Variants in LDB2 observed in about 807,000 individuals in gnomAD.
LDB2 encodes LIM domain binding 2, also known as LIM domain-binding protein 2.
LDB2 carries 12 observed loss-of-function variants against 44.3 expected under a neutral mutation model. That is an observed-to-expected ratio of 0.27 (90% CI 0.17 to 0.44). LDB2 has a LOEUF of 0.44. Ranked by LOEUF, LDB2 falls within the 20% of genes least tolerant of loss-of-function variation. LDB2 has a pLI of 1.00. For synonymous variants in LDB2, 164 were observed against 174.8 expected (o/e 0.94, Z 0.49); for missense variants, 344 against 473.5 (o/e 0.73, Z 2.54).
chr4:16,790,636 A>G (rs1387687602), intron 1 of LDB2, among the ~76,000 whole-genome samples: 2 of 152,218 alleles, frequency 1.3e-5, no homozygotes, highest in Non-Finnish European at 1.5e-5. Context: ...TAAGCAATGC[A>G]TGACCATTCA....
chr4:16,652,653 G>A (rs77885839), intron 2 of LDB2, among the ~76,000 whole-genome samples: 3,071 of 152,256 alleles, frequency 0.02, 41 homozygotes, highest in Middle Eastern at 0.048. Flanking sequence ...ATCAAAAGCC[G>A]TCTGTCTGTG....
chr4:16,729,115 C>T (rs554122864), intron 2 of LDB2, among the ~76,000 whole-genome samples: 1 of 152,332 alleles, frequency 6.6e-6, no homozygotes, highest in Non-Finnish European at 1.5e-5. Flanking sequence ...AAAGGCAAGT[C>T]TTTGCCTCGC....
At chr4:16,767,571 G>C (rs1168228848) in intron 1 of LDB2, among the ~76,000 whole-genome samples, 1 of 152,166 alleles carries the variant, frequency 6.6e-6, no homozygotes, top group East Asian at 1.9e-4. Flanking sequence ...TCTGAACTGT[G>C]TGTGGCGAGT....
rs145928848 is a variant in LDB2 at position 16,512,066 on chromosome 4, C to G, written c.654G>C (p.Ser218=). The change falls in exon 6 of 8, where the codon TCG becomes TCC. Residue 218 remains serine, a synonymous_variant. Coordinates refer to ENST00000304523, the MANE Select transcript of LDB2 (RefSeq NM_001290.5). The stretch of plus-strand genomic sequence containing the variant: ...GACTGAGGTTGTAAGTTTTATGTCT[C>G]GACATCAGTTCCTGCATTGGCTCCA... The part of the protein sequence containing the change: ...VILEPMQELM[S]RHKTYNLSPR... The G allele has an allele frequency of 2.2e-4, 356 of 1,613,452 alleles. 1 individual carries two copies. In the African/African-American group the frequency reaches 4.0e-3, roughly 18 times the overall value.
At chr4:16,570,825 A>G (rs1161708915) in intron 5 of LDB2, among the ~76,000 whole-genome samples, 2 of 152,178 alleles carry the variant, frequency 1.3e-5, no homozygotes, top group African/African-American at 2.4e-5. Context: ...TATGCTTACT[A>G]TGTGCCAGCT....
At chr4:16,887,077 A>T (rs1048562186) in intron 1 of LDB2, among the ~76,000 whole-genome samples, 2 of 151,096 alleles carry the variant, frequency 1.3e-5, no homozygotes, top group African/African-American at 4.9e-5. Context: ...CTGTTTTAAG[A>T]CAATTGGAAA....
intron 1 of LDB2, among the ~76,000 whole-genome samples, chr4:16,875,388 G>A (rs775574910): frequency 3.8e-4 from 58 of 151,948 alleles, no homozygotes; most frequent in Non-Finnish European, 6.3e-4. Flanking sequence ...CAGATCCTGT[G>A]GCCTACTCCG....
intron 2 of LDB2, among the ~76,000 whole-genome samples, chr4:16,681,167 T>C (rs1747743327): frequency 1.3e-5 from 2 of 152,222 alleles, no homozygotes; most frequent in Admixed American, 1.3e-4. Context: ...GAGTTTTCTC[T>C]GGCTGGTTGT....
intron 2 of LDB2, among the ~76,000 whole-genome samples, chr4:16,696,927 C>G (rs1179048572): frequency 6.6e-6 from 1 of 152,046 alleles, no homozygotes; most frequent in Non-Finnish European, 1.5e-5. Flanking sequence ...GAAAAAGTCA[C>G]CCAGGTGATT....
chr4:16,736,584 A>C (rs1285558104), intron 2 of LDB2, among the ~76,000 whole-genome samples: 4 of 152,218 alleles, frequency 2.6e-5, no homozygotes, highest in African/African-American at 7.2e-5. Context: ...TCCAGGGTTC[A>C]AACCCTGCCC....
intron 2 of LDB2, among the ~76,000 whole-genome samples, chr4:16,714,769 C>A (rs747232679): frequency 1.3e-5 from 2 of 151,972 alleles, no homozygotes; most frequent in Non-Finnish European, 2.9e-5. Flanking sequence ...TGCTGGTAAC[C>A]CTTGGAGTTC....
At chr4:16,662,101 T>C (rs181166613) in intron 2 of LDB2, among the ~76,000 whole-genome samples, 6 of 152,342 alleles carry the variant, frequency 3.9e-5, no homozygotes, top group Admixed American at 2.6e-4. Context: ...ATTAATTCTA[T>C]GCAAATTCTC....
At chr4:16,779,240 G>A (rs1772631051) in intron 1 of LDB2, among the ~76,000 whole-genome samples, 1 of 152,172 alleles carries the variant, frequency 6.6e-6, no homozygotes, top group South Asian at 2.1e-4. Context: ...CAATGTTTAT[G>A]CAATTTGCTT....
rs940548949 is a variant in LDB2, at chr4:16,891,117, T to C, written c.132+7237A>G. 4.6e-5 allele frequency among the ~76,000 whole-genome samples: 7 copies of C among 152,112 alleles called. No individual in the cohort carries two copies. The East Asian group carries it at 1.2e-3, about 25-fold the overall frequency. Reference sequence around the variant, plus strand: ...TTTCCACCAAAAAATGAGATAGCTTTTATACTCATTCACTACTGTTTAAAA... The same window carrying C: ...TTTCCACCAAAAAATGAGATAGCTTCTATACTCATTCACTACTGTTTAAAA... On this transcript the variant is annotated intron_variant, in intron 1 of 7. Transcript: ENST00000304523.
intron 2 of LDB2, among the ~76,000 whole-genome samples, chr4:16,668,933 G>A (rs1235306562): frequency 2.0e-5 from 3 of 152,082 alleles, no homozygotes; most frequent in Non-Finnish European, 1.5e-5. Context: ...TTTTCCAATC[G>A]CTCCTGCTAC....
chr4:16,604,524 T>C (rs1027421899), intron 2 of LDB2, among the ~76,000 whole-genome samples: 2 of 148,842 alleles, frequency 1.3e-5, no homozygotes, highest in Admixed American at 1.3e-4. Flanking sequence ...AGAAAATATA[T>C]ATATTTATAT....
In LDB2 at chr4:16,845,823, T is replaced by C. The variant is rs1253884858; in HGVS notation, c.132+52531A>G. 2.6e-5 allele frequency among the ~76,000 whole-genome samples: 4 copies of C among 152,248 alleles called. No individual in the cohort carries two copies. In the East Asian group the frequency reaches 7.7e-4, roughly 29 times the overall value. On this transcript the variant is annotated intron_variant, in intron 1 of 7. Transcript: ENST00000304523. Reference sequence around the variant, plus strand: ...AGTTTGCCCAAAAGAAATGAGCTAATAAGCCTGGGCGCGGTGGCTCCTGCC... The same window carrying C: ...AGTTTGCCCAAAAGAAATGAGCTAACAAGCCTGGGCGCGGTGGCTCCTGCC...
chr4:16,837,209 T>C (rs748454100), intron 1 of LDB2, among the ~76,000 whole-genome samples: 13 of 152,206 alleles, frequency 8.5e-5, no homozygotes, highest in Non-Finnish European at 1.9e-4. Context: ...ACATGACTGT[T>C]TACTCTCTGT....
chr4:16,644,250 A>G (rs1736014294), intron 2 of LDB2, among the ~76,000 whole-genome samples: 1 of 152,200 alleles, frequency 6.6e-6, no homozygotes, highest in Non-Finnish European at 1.5e-5. Context: ...ACAGAATGCC[A>G]ACCAGTGTAG....
Sources: gnomAD v4.1 joint callset for allele counts (sites outside exome capture counted in the v4.1 genomes callset) on GRCh38, gnomAD v4.1.1 for gene constraint, MANE v1.5 for transcripts, NCBI Gene and HGNC (gene_info 2026-07-23, HGNC 2026-07-21) for gene names.